The following DEAF1 variants were observed in gnomAD, a reference collection of about 807,000 sequenced individuals.
DEAF1 encodes the protein deformed epidermal autoregulatory factor 1 homolog.
A neutral mutation model predicts 58.9 loss-of-function variants in DEAF1; 53 were observed. The observed-to-expected ratio is 0.90, with a 90% CI of 0.72 to 1.13. The LOEUF (loss-of-function observed/expected upper bound fraction) is 1.13, where lower values mean the gene tolerates loss of function less well. Among genes scored for constraint, DEAF1 ranks in the 50% most tolerant of loss-of-function variants. The pLI, the probability that DEAF1 is intolerant of heterozygous loss-of-function variation, is 0.00. For synonymous variants in DEAF1, 385 were observed against 340.4 expected (o/e 1.13, Z -1.44); for missense variants, 685 against 791.4 (o/e 0.87, Z 1.61).
intron 1 of DEAF1, chr11:701,190 C>CT (rs1281673330): frequency 5.5e-6 from 1 of 181,500 alleles, no homozygotes; most frequent in Non-Finnish European, 1.2e-5. Flanking sequence ...CAGTGACCTA[C>CT]TTTTTTTGAG....
chr11:698,943 C>T (rs1354625565), upstream of DEAF1: 1 of 1,608,002 alleles, frequency 6.2e-7, no homozygotes, highest in African/African-American at 1.3e-5. Context: ...ATTGCTGCTG[C>T]ACAGAGAGCA....
rs760535349 is a variant in DEAF1 at position 687,977 on chromosome 11, C to G, written c.598G>C (p.Asp200His). 1.9e-6 allele frequency: 3 copies of G among 1,614,072 alleles called. No homozygotes were observed. The highest frequency in any genetic ancestry group is 1.1e-5 in the South Asian group (1 of 91,084). Residue 200 changes from aspartate to histidine, a missense_variant, in exon 4 of 12, where the codon GAC becomes CAC. Around this residue, in one of 3 missense-constraint regions of DEAF1, gnomAD observed 132 missense variants for 234.3 expected, o/e 0.56. Coordinates refer to ENST00000382409, the MANE Select transcript of DEAF1 (RefSeq NM_021008.4). Reference protein sequence around the residue: ...TKYNWDPSVYDSELPVRCRNI... With the variant: ...TKYNWDPSVYHSELPVRCRNI... ...CGGCACCGTACGGGCAGCTCACTGT[C>G]GTACACAGAAGGGTCCCAGTTGTAT... is the stretch of plus-strand genomic sequence containing the variant.
intron 11 of DEAF1, among the ~76,000 whole-genome samples, chr11:653,547 A>G (rs1189887963): frequency 4.0e-5 from 5 of 123,552 alleles, no homozygotes; most frequent in Non-Finnish European, 6.7e-5. Context: ...AACTGTGGAC[A>G]GTCTCTCTTG....
At chr11:669,940 A>G (rs1291373726) in intron 10 of DEAF1, among the ~76,000 whole-genome samples, 5 of 151,262 alleles carry the variant, frequency 3.3e-5, no homozygotes, top group African/African-American at 1.2e-4. Flanking sequence ...AAAAAAAAAA[A>G]AAAAAAAAAA....
chr11:690,399 G>T (rs189286755), intron 2 of DEAF1, among the ~76,000 whole-genome samples: 1 of 148,074 alleles, frequency 6.8e-6, no homozygotes, highest in Admixed American at 6.8e-5. Context: ...AGTTTCTTAT[G>T]TTTTTACTGA....
intron 10 of DEAF1, among the ~76,000 whole-genome samples, chr11:671,367 C>T (rs1378608253): frequency 1.3e-5 from 2 of 151,778 alleles, no homozygotes; most frequent in Non-Finnish European, 2.9e-5. Context: ...ACTACAGGTG[C>T]CCACCACCAC....
intron 10 of DEAF1, among the ~76,000 whole-genome samples, chr11:671,785 A>G (rs1343318664): frequency 1.4e-5 from 2 of 147,528 alleles, no homozygotes; most frequent in Admixed American, 1.4e-4. Context: ...TGAGCCTACA[A>G]TGAGCCATGA....
chr11:694,183 G>T (rs1417764742), intron 1 of DEAF1, among the ~76,000 whole-genome samples: 2 of 152,134 alleles, frequency 1.3e-5, no homozygotes, highest in African/African-American at 4.8e-5. Context: ...AGCTGCACAG[G>T]GGGGACCAGT....
chr11:703,905 T>G, intron 1 of DEAF1: 24 of 1,240,590 alleles, frequency 1.9e-5, no homozygotes, highest in Non-Finnish European at 2.4e-5. Context: ...TTTATCAGCT[T>G]TTGCCTTTTG....
chr11:667,128 A>T (rs1052810131), intron 10 of DEAF1, among the ~76,000 whole-genome samples: 19 of 151,916 alleles, frequency 1.3e-4, no homozygotes, highest in African/African-American at 4.6e-4. Context: ...TGAGCCAAGG[A>T]GTTTGCGGCC....
At chr11:684,123 C>T (rs1436487120) in intron 6 of DEAF1, among the ~76,000 whole-genome samples, 2 of 143,826 alleles carry the variant, frequency 1.4e-5, no homozygotes, top group Admixed American at 6.9e-5. Context: ...TCTCCATGCT[C>T]TTTTTTTTTT....
intron 5 of DEAF1, among the ~76,000 whole-genome samples, chr11:685,934 G>A (rs748062517): frequency 6.7e-6 from 1 of 149,900 alleles, no homozygotes; most frequent in Non-Finnish European, 1.5e-5. Context: ...ACTTGAGGTC[G>A]GGAGTTCGAG....
intron 6 of DEAF1, among the ~76,000 whole-genome samples, chr11:681,671 A>G (rs1860380591): frequency 6.6e-6 from 1 of 151,824 alleles, no homozygotes; most frequent in Non-Finnish European, 1.5e-5. Context: ...CGGCCTCCCA[A>G]AGTGCTAGGA....
intron 1 of DEAF1, 193 bp downstream of exon 1, chr11:694,566 G>C: frequency 2.4e-6 from 1 of 418,390 alleles, no homozygotes; most frequent in Non-Finnish European, 4.0e-6. Flanking sequence ...TGTGCAGGGC[G>C]GGTGGGGCGG....
At chr11:686,698 A>G (rs1475731215) in intron 5 of DEAF1, among the ~76,000 whole-genome samples, 160 bp downstream of exon 5, 2 of 152,172 alleles carry the variant, frequency 1.3e-5, no homozygotes, top group African/African-American at 4.8e-5. Context: ...CTGAAACATG[A>G]GAGGGTAAAT....
At chr11:701,141 C>T (rs1033504151) in intron 1 of DEAF1, 4 of 204,864 alleles carry the variant, frequency 2.0e-5, no homozygotes, top group South Asian at 1.6e-4. Context: ...CCAGCCTCCC[C>T]ACTCCAGCTC....
Position 695,003 on chromosome 11 carries a change from C to T in DEAF1, c.45G>A (p.Glu15=). ...DSAAKQLGLA[E]AAAVAAAAAV... The stretch of plus-strand genomic sequence containing the variant: ...CGGCCGCGGCCGCCACCGCCGCCGC[C>T]TCAGCCAGGCCCAGCTGCTTTGCCG... Residue 15 remains glutamate (E), a synonymous_variant, in exon 1 of 12, where the codon GAG becomes GAA. Transcript: ENST00000382409. 1.6e-6 allele frequency: 2 copies of T among 1,286,438 alleles called. No individual in the cohort carries two copies. The highest frequency in any genetic ancestry group is 2.0e-6 in the Non-Finnish European group (2 of 1,017,628). 79.7% of individuals were successfully genotyped at this position (1,286,438 alleles called of 1,614,324 possible).
intron 11 of DEAF1, among the ~76,000 whole-genome samples, chr11:645,336 G>A (rs11246234): frequency 0.4 from 60,673 of 151,584 alleles, 12,463 homozygotes; most frequent in East Asian, 0.56. Flanking sequence ...GTTGTTTTTC[G>A]GACAGAGTTT....
chr11:678,504 G>C, intron 9 of DEAF1, 190 bp downstream of exon 9: 1 of 773,476 alleles, frequency 1.3e-6, no homozygotes, highest in South Asian at 1.5e-5. Flanking sequence ...ATGAATGGAC[G>C]TGGCTGTGTG....
Sources: allele counts gnomAD v4.1 joint callset (sites outside exome capture counted in the v4.1 genomes callset), GRCh38; gene constraint gnomAD v4.1.1; regional missense constraint gnomAD v4.1.1; transcripts MANE v1.5; gene names NCBI Gene and HGNC (gene_info 2026-07-23, HGNC 2026-07-21).